Variants in COMMD9 observed in about 807,000 individuals in gnomAD.
The protein encoded by COMMD9 is COMM domain-containing protein 9.
A neutral mutation model predicts 23.4 loss-of-function variants in COMMD9; 22 were observed. The ratio of observed to expected loss-of-function variants is 0.94; its 90% confidence interval spans 0.67 to 1.34. The LOEUF is 1.34. COMMD9 is among the 40% of genes most tolerant of loss of function. The pLI is 0.00. For synonymous variants in COMMD9, 99 were observed against 97.4 expected, an observed-to-expected ratio of 1.02 and a Z score of -0.10; for missense variants, 231 against 240.2, an observed-to-expected ratio of 0.96 and a Z score of 0.25.
chr11:36,272,895 G>C lies in COMMD9; in HGVS notation c.*1737C>G, dbSNP rs1855901855. The C allele has an allele frequency of 6.6e-6, 1 of 152,160 alleles. No individual in the cohort carries two copies. The highest frequency in any genetic ancestry group is 1.5e-5 in the Non-Finnish European group (1 of 68,032). The allele number at this position is 152,160 out of a possible 1,614,324, so 9.4% of individuals were successfully genotyped here. A position where few individuals can be genotyped will look rare whatever the true frequency, so the allele number is the denominator to read the frequency against. ...CAGATGACTCAATCTCAATGAGCTGGTTTCCTGGTCAATAAAGGGAGGATG... is the reference window on the plus strand; with the variant it reads ...CAGATGACTCAATCTCAATGAGCTGCTTTCCTGGTCAATAAAGGGAGGATG... On this transcript the variant is annotated 3_prime_UTR_variant, in exon 6 of 6. Coordinates refer to ENST00000263401, the MANE Select transcript of COMMD9 (RefSeq NM_014186.4).
intron 1 of COMMD9, among the ~76,000 whole-genome samples, chr11:36,284,104 T>A (rs1005583416): frequency 6.7e-6 from 1 of 149,470 alleles, no homozygotes; most frequent in African/African-American, 2.5e-5. Flanking sequence ...AGACCCTGTC[T>A]CAACAACAAC....
In COMMD9 at chr11:36,283,912, C is replaced by T. The variant is rs145393244; in HGVS notation, c.52-3075G>A. ...TTGAGCCCAAACGTTTAAGACCAGG[C>T]TGGGCAACATGGTAAAATCTCTTCT... On this transcript the variant is annotated intron_variant, in intron 1 of 5. Coordinates refer to ENST00000263401, the MANE Select transcript of COMMD9 (RefSeq NM_014186.4). 1.4e-3 allele frequency among the ~76,000 whole-genome samples: 212 copies of T among 152,196 alleles called. 2 individuals carry two copies. Among genetic ancestry groups the T allele is most frequent in the African/African-American group, 4.9e-3 (202 of 41,506 alleles).
chr11:36,280,682 T>C, intron 2 of COMMD9, 30 bp downstream of exon 2: 1 of 1,539,306 alleles, frequency 6.5e-7, no homozygotes, highest in Non-Finnish European at 8.8e-7. Flanking sequence ...AGAGGGCCAG[T>C]GGCCAAAGAT....
intron 1 of COMMD9, 133 bp downstream of exon 1, chr11:36,289,229 G>A (rs945345694): frequency 1.4e-6 from 1 of 721,492 alleles, no homozygotes; most frequent in African/African-American, 1.8e-5. Context: ...GCAACGATTT[G>A]CCTGGGATCA....
At chr11:36,274,907 G>A in intron 5 of COMMD9, 135 bp from the exon 6 acceptor site, 1 of 1,053,004 alleles carries the variant, frequency 9.5e-7, no homozygotes, top group Middle Eastern at 2.1e-4. Flanking sequence ...GCACTAGAGA[G>A]TACCAGCCCT....
chr11:36,286,322 G>A (rs1856150342), intron 1 of COMMD9, among the ~76,000 whole-genome samples: 1 of 149,544 alleles, frequency 6.7e-6, no homozygotes, highest in Non-Finnish European at 1.5e-5. Flanking sequence ...GGCCAAGGCT[G>A]GTGGATCACT....
chr11:36,287,048 A>G (rs1856170741), intron 1 of COMMD9, among the ~76,000 whole-genome samples: 1 of 151,546 alleles, frequency 6.6e-6, no homozygotes, highest in Non-Finnish European at 1.5e-5. Flanking sequence ...TATGCTATAT[A>G]TGTATACTAC....
At chr11:36,274,871 A>G in intron 5 of COMMD9, 99 bp from the exon 6 acceptor site, 1 of 1,432,588 alleles carries the variant, frequency 7.0e-7, no homozygotes, top group Admixed American at 1.9e-5. Context: ...GTTCTGCTGA[A>G]CCTCTGAAGA....
At chr11:36,287,619 A>G (rs954786731) in intron 1 of COMMD9, among the ~76,000 whole-genome samples, 2 of 151,916 alleles carry the variant, frequency 1.3e-5, no homozygotes, top group Admixed American at 6.6e-5. Flanking sequence ...TATTTTTTTA[A>G]AAAAAGAAAA....
In COMMD9 at chr11:36,289,395, C is replaced by T. The variant is rs1856230058; in HGVS notation, c.18G>A (p.Ala6=). 5 of 1,552,066 alleles carry T rather than the reference C, an allele frequency of 3.2e-6. No individual in the cohort carries two copies. The East Asian group carries it at 9.8e-5, about 30-fold the overall frequency. Residue 6 remains alanine (A), a synonymous_variant, in exon 1 of 6, where the codon GCG becomes GCA. Coordinates refer to ENST00000263401, the MANE Select transcript of COMMD9 (RefSeq NM_014186.4). MAALT[A]EHFAALQSLL... is the part of the protein sequence containing the mutation. ...GGCTCTGGAGTGCTGCAAAATGCTCCGCTGTCAGGGCAGCCATCTTGCCGA... is the reference window on the plus strand; with the variant it reads ...GGCTCTGGAGTGCTGCAAAATGCTCTGCTGTCAGGGCAGCCATCTTGCCGA...
intron 5 of COMMD9, 71 bp downstream of exon 5, chr11:36,276,066 T>C (rs978428592): frequency 6.2e-6 from 7 of 1,128,506 alleles, no homozygotes; most frequent in Non-Finnish European, 9.5e-6. Context: ...ATCCCAAACC[T>C]TGGAGACTAG....
At chr11:36,278,707 A>T (rs535828116) in intron 2 of COMMD9, 91 bp from the exon 3 acceptor site, 1 of 1,277,414 alleles carries the variant, frequency 7.8e-7, no homozygotes, top group Non-Finnish European at 1.1e-6. Flanking sequence ...TACACCCCGA[A>T]GGCTGCACAC....
chr11:36,275,403 C>T (rs1000948924), intron 5 of COMMD9, among the ~76,000 whole-genome samples: 1 of 149,490 alleles, frequency 6.7e-6, no homozygotes, highest in Non-Finnish European at 1.5e-5. Context: ...GGTATGTGAG[C>T]AAGAAAATGA....
At chr11:36,278,895 T>TA (rs1856020214) in intron 2 of COMMD9, among the ~76,000 whole-genome samples, 1 of 152,240 alleles carries the variant, frequency 6.6e-6, no homozygotes, top group East Asian at 1.9e-4. Context: ...AGAGTTAATA[T>TA]AGCCCTTTTC....
intron 1 of COMMD9, among the ~76,000 whole-genome samples, chr11:36,283,522 T>C (rs779796540): frequency 1.3e-5 from 2 of 152,078 alleles, no homozygotes; most frequent in Non-Finnish European, 2.9e-5. Flanking sequence ...GTTACGTATA[T>C]AGAATGTAGT....
At chr11:36,284,382 A>T (rs1040286947) in intron 1 of COMMD9, among the ~76,000 whole-genome samples, 1 of 152,232 alleles carries the variant, frequency 6.6e-6, no homozygotes, top group African/African-American at 2.4e-5. Flanking sequence ...AAAATATGTG[A>T]AGCAAAAACT....
chr11:36,277,594 T>C lies in COMMD9; in HGVS notation c.318-471A>G, dbSNP rs187485909. 1.4e-4 allele frequency among the ~76,000 whole-genome samples: 22 copies of C among 152,306 alleles called. No homozygotes were observed. The East Asian group carries it at 4.0e-3, about 28-fold the overall frequency. ...AAAATACAATAAAACCCTTGGTAAATAGGCATTATCAGTTATTGCTATTAG... is the reference window on the plus strand; with the variant it reads ...AAAATACAATAAAACCCTTGGTAAACAGGCATTATCAGTTATTGCTATTAG... On this transcript the variant is annotated intron_variant, in intron 3 of 5. Transcript: ENST00000263401.
intron 3 of COMMD9, 73 bp downstream of exon 3, chr11:36,278,404 T>C: frequency 7.2e-7 from 1 of 1,389,266 alleles, no homozygotes; most frequent in East Asian, 2.3e-5. Flanking sequence ...AGCATATTAC[T>C]ACTTCTAGAA....
chr11:36,288,656 C>A (rs1391883600), intron 1 of COMMD9, among the ~76,000 whole-genome samples: 1 of 152,094 alleles, frequency 6.6e-6, no homozygotes, highest in Non-Finnish European at 1.5e-5. Context: ...CATAAATTTG[C>A]CAGGCTTGGT....
Sources: gnomAD v4.1 joint callset for allele counts (sites outside exome capture counted in the v4.1 genomes callset) on GRCh38, gnomAD v4.1.1 for gene constraint, MANE v1.5 for transcripts, NCBI Gene and HGNC (gene_info 2026-07-23, HGNC 2026-07-21) for gene names.